Variants in MLIP observed in about 807,000 individuals in gnomAD.
The protein encoded by MLIP is muscular LMNA interacting protein.
Under a neutral mutation model 84.8 loss-of-function variants are expected in MLIP, and 79 were observed. The ratio of observed to expected loss-of-function variants is 0.93; its 90% CI spans 0.78 to 1.12. MLIP has a LOEUF of 1.12. MLIP is among the 50% of genes most tolerant of loss of function. MLIP has a pLI of 0.00. For synonymous variants in MLIP, 504 were observed against 463.0 expected (o/e 1.09, Z -1.14); for missense variants, 1,257 against 1,160.6 (o/e 1.08, Z -1.21).
chr6:54,155,848 A>G (rs1388315431), intron 5 of MLIP, among the ~76,000 whole-genome samples: 1 of 152,088 alleles, frequency 6.6e-6, no homozygotes, highest in African/African-American at 2.4e-5. Flanking sequence ...TGAACAAACT[A>G]CCAACACTTG....
chr6:54,214,946 G>A (rs562601259), intron 11 of MLIP, among the ~76,000 whole-genome samples: 4 of 152,250 alleles, frequency 2.6e-5, no homozygotes, highest in Non-Finnish European at 2.9e-5. Context: ...GGCATTTAAC[G>A]TTTGTGCCAG....
chr6:54,209,066 C>G lies in MLIP; in HGVS notation c.2718+6833C>G, dbSNP rs183377444. ...TGGGGGTATTCTTTGAATATGAATG[C>G]TAAGTTTAATGTGTTTAAAAACATT... On this transcript the variant is annotated intron_variant, in intron 11 of 13. Coordinates refer to ENST00000502396, the MANE Select transcript of MLIP (RefSeq NM_001281747.2). Among the ~76,000 whole-genome samples, 47 of 152,124 alleles carry G rather than the reference C, an allele frequency of 3.1e-4. No homozygotes were observed. In the East Asian group the frequency reaches 8.5e-3, roughly 27 times the overall value.
chr6:54,126,217 T>C (rs1770908630), intron 3 of MLIP, among the ~76,000 whole-genome samples: 1 of 152,100 alleles, frequency 6.6e-6, no homozygotes, highest in African/African-American at 2.4e-5. Context: ...TTTAGGTGAC[T>C]TCTCTGAGAA....
At chr6:54,079,011 T>C (rs748396468) in intron 1 of MLIP, among the ~76,000 whole-genome samples, 2 of 152,144 alleles carry the variant, frequency 1.3e-5, no homozygotes, top group Non-Finnish European at 2.9e-5. Context: ...TTTTCTAGTG[T>C]TAAGAATGTT....
intron 10 of MLIP, among the ~76,000 whole-genome samples, chr6:54,191,737 T>C (rs1777938646): frequency 6.6e-6 from 1 of 152,186 alleles, no homozygotes. Context: ...ATAATGAGGT[T>C]GAATGACTTC....
chr6:54,225,598 C>T (rs1780523641), intron 11 of MLIP, among the ~76,000 whole-genome samples: 2 of 152,162 alleles, frequency 1.3e-5, no homozygotes, highest in Admixed American at 1.3e-4. Flanking sequence ...AAGGAAACTT[C>T]AGCTCAAACT....
intron 8 of MLIP, among the ~76,000 whole-genome samples, chr6:54,164,897 A>G (rs1029141353): frequency 1.3e-5 from 2 of 151,906 alleles, no homozygotes; most frequent in African/African-American, 4.8e-5. Context: ...ATTCGGAGCT[A>G]TTACTAATAA....
intron 9 of MLIP, among the ~76,000 whole-genome samples, chr6:54,183,492 AT>A (rs2150646590): frequency 6.6e-6 from 1 of 152,136 alleles, no homozygotes; most frequent in Non-Finnish European, 1.5e-5. Flanking sequence ...AAGGTGCCTT[AT>A]TTCAGACAAA....
intron 12 of MLIP, among the ~76,000 whole-genome samples, chr6:54,239,390 T>C (rs1434449841): frequency 1.4e-5 from 2 of 147,738 alleles, no homozygotes; most frequent in Non-Finnish European, 3.0e-5. Context: ...ATAATATATA[T>C]ATACACACAC....
intron 1 of MLIP, among the ~76,000 whole-genome samples, chr6:54,089,179 A>C (rs1767696555): frequency 2.6e-5 from 4 of 152,206 alleles, no homozygotes. Context: ...AAAGACATAT[A>C]CAAATTTGTA....
Position 54,113,442 on chromosome 6 carries a change from T to C in MLIP, c.96+1867T>C, listed in dbSNP as rs529285388. On this transcript the variant is annotated intron_variant, in intron 1 of 13. Coordinates refer to ENST00000502396, the MANE Select transcript of MLIP (RefSeq NM_001281747.2). ...GTATTACGTATTGTTGATAGATAAG[T>C]GGGCTCCTTAAATCTCACAAGGGAT... is the stretch of plus-strand genomic sequence containing the variant. 2.0e-3 allele frequency among the ~76,000 whole-genome samples: 307 copies of C among 152,320 alleles called. 1 individual carries two copies. Among genetic ancestry groups the C allele is most frequent in the African/African-American group, 7.2e-3 (298 of 41,586 alleles).
intron 11 of MLIP, among the ~76,000 whole-genome samples, chr6:54,208,802 G>T (rs1025937111): frequency 6.6e-6 from 1 of 152,084 alleles, no homozygotes; most frequent in Non-Finnish European, 1.5e-5. Flanking sequence ...CTTATAATAC[G>T]TAAGATATTT....
chr6:54,112,662 A>G (rs550169079), intron 1 of MLIP, among the ~76,000 whole-genome samples: 2 of 126,496 alleles, frequency 1.6e-5, no homozygotes, highest in South Asian at 4.6e-4. Flanking sequence ...TGGTTCAACT[A>G]AAATAAAAAA....
At chr6:54,094,109 AATG>A (rs1346032752) in intron 1 of MLIP, among the ~76,000 whole-genome samples, 1 of 152,140 alleles carries the variant, frequency 6.6e-6, no homozygotes, top group African/African-American at 2.4e-5. Flanking sequence ...TAGTAATGAT[AATG>A]ATGATGGCAA....
intron 1 of MLIP, among the ~76,000 whole-genome samples, chr6:54,024,830 G>GATT (rs374722606): frequency 2.0e-4 from 31 of 151,498 alleles, no homozygotes; most frequent in East Asian, 7.8e-4. Flanking sequence ...ATGGTAACAT[G>GATT]ATTATTATTA....
intron 12 of MLIP, among the ~76,000 whole-genome samples, chr6:54,243,270 C>A (rs1469098107): frequency 6.6e-6 from 1 of 152,102 alleles, no homozygotes; most frequent in African/African-American, 2.4e-5. Flanking sequence ...GTGGACTGGG[C>A]ATTCCAGCTA....
chr6:54,024,171 C>A (rs778185699), intron 1 of MLIP, among the ~76,000 whole-genome samples: 1 of 152,126 alleles, frequency 6.6e-6, no homozygotes. Flanking sequence ...GGCCACCATG[C>A]CCAGCTAATT....
At chr6:54,249,414 A>G (rs537146040) in intron 12 of MLIP, among the ~76,000 whole-genome samples, 3 of 152,128 alleles carry the variant, frequency 2.0e-5, no homozygotes, top group African/African-American at 7.2e-5. Context: ...ATGTTGTAAT[A>G]TATTTTTGAT....
At chr6:54,229,281 T>G (rs1237671917) in intron 11 of MLIP, among the ~76,000 whole-genome samples, 1 of 152,094 alleles carries the variant, frequency 6.6e-6, no homozygotes, top group Non-Finnish European at 1.5e-5. Flanking sequence ...AATTCCAAAA[T>G]TGTCAAATAA....
Sources: allele counts gnomAD v4.1 joint callset (sites outside exome capture counted in the v4.1 genomes callset), GRCh38; gene constraint gnomAD v4.1.1; transcripts MANE v1.5; gene names NCBI Gene and HGNC (gene_info 2026-07-23, HGNC 2026-07-21).